NYAP2: variants seen among roughly 807,000 people sequenced by gnomAD.
NYAP2 encodes neuronal tyrosine-phosphorylated phosphoinositide-3-kinase adapter 2.
NYAP2 carries 23 observed loss-of-function variants against 50.4 expected under a neutral mutation model. The observed-to-expected ratio is 0.46, with a 90% CI of 0.33 to 0.65. The LOEUF (loss-of-function observed/expected upper bound fraction) is 0.65, where lower values mean the gene tolerates loss of function less well. Ranked by LOEUF, NYAP2 falls within the 30% of genes least tolerant of loss-of-function variation. NYAP2 has a pLI of 0.02. For synonymous variants in NYAP2, 394 were observed against 365.2 expected, an observed-to-expected ratio of 1.08 and a Z score of -0.90; for missense variants, 885 against 861.0, an observed-to-expected ratio of 1.03 and a Z score of -0.35.
chr2:225,647,041 A>G (rs1273802302), intron 6 of NYAP2, among the ~76,000 whole-genome samples: 1 of 152,206 alleles, frequency 6.6e-6, no homozygotes, highest in African/African-American at 2.4e-5. Flanking sequence ...TAGGTGATAT[A>G]AAAGCCTTTG....
chr2:225,494,380 G>A (rs1464316372), intron 3 of NYAP2, among the ~76,000 whole-genome samples: 1 of 152,126 alleles, frequency 6.6e-6, no homozygotes, highest in Non-Finnish European at 1.5e-5. Flanking sequence ...ACTTAATAAG[G>A]CAAGAATGAA....
intron 3 of NYAP2, among the ~76,000 whole-genome samples, chr2:225,482,371 C>T (rs552471889): frequency 6.6e-6 from 1 of 152,234 alleles, no homozygotes; most frequent in African/African-American, 2.4e-5. Context: ...GAGTAGTGTA[C>T]AGTGTGGCTG....
intron 3 of NYAP2, among the ~76,000 whole-genome samples, chr2:225,411,536 G>A (rs1695038919): frequency 6.6e-6 from 1 of 151,856 alleles, no homozygotes; most frequent in South Asian, 2.1e-4. Flanking sequence ...CCAAGCCGAA[G>A]GTACAAATGT....
intron 3 of NYAP2, among the ~76,000 whole-genome samples, chr2:225,472,869 T>C (rs1429656079): frequency 6.6e-6 from 1 of 152,198 alleles, no homozygotes; most frequent in Non-Finnish European, 1.5e-5. Context: ...GCAGGTTTGT[T>C]ACATATGTAT....
At chr2:225,542,825 G>A (rs1260346283) in intron 4 of NYAP2, among the ~76,000 whole-genome samples, 1 of 152,036 alleles carries the variant, frequency 6.6e-6, no homozygotes, top group Non-Finnish European at 1.5e-5. Flanking sequence ...TTTCAGAATA[G>A]TTTGAGTGGA....
At chr2:225,495,420 G>A (rs529958414) in intron 3 of NYAP2, among the ~76,000 whole-genome samples, 5 of 152,134 alleles carry the variant, frequency 3.3e-5, no homozygotes, top group Non-Finnish European at 5.9e-5. Flanking sequence ...TCTATCAGAA[G>A]AATTCATTAT....
At chr2:225,679,493 GT>G in the NYAP2 span, among the ~76,000 whole-genome samples, 855 of 103,838 alleles carry the variant, frequency 8.2e-3, 5 homozygotes, top group African/African-American at 0.03. Context: ...GCTTCTAATT[GT>G]TTTTTTTTTT....
intron 4 of NYAP2, among the ~76,000 whole-genome samples, chr2:225,547,217 C>T (rs1691600289): frequency 6.6e-6 from 1 of 152,172 alleles, no homozygotes; most frequent in Non-Finnish European, 1.5e-5. Context: ...CTACCCTGGG[C>T]CCACTGGGTA....
rs550481105 is a variant in NYAP2, at chr2:225,554,793, A to C, written c.524-27148A>C. Among the ~76,000 whole-genome samples, 209 of 152,288 alleles carry C rather than the reference A, an allele frequency of 1.4e-3. 1 individual carries two copies. Among genetic ancestry groups the C allele is most frequent in the African/African-American group, 4.6e-3 (191 of 41,572 alleles). ...TATTCAGGAATTTTGCTAAATAAGT[A>C]GCTTATAGCTTCTCTTGCCACAAGG... On this transcript the variant is annotated intron_variant, in intron 4 of 6. Coordinates refer to ENST00000636099, the Ensembl canonical transcript of NYAP2.
chr2:225,433,771 C>T (rs897190220), intron 3 of NYAP2, among the ~76,000 whole-genome samples: 3 of 142,780 alleles, frequency 2.1e-5, no homozygotes, highest in Non-Finnish European at 3.0e-5. Flanking sequence ...GAGCCGAGAT[C>T]GCGCCACTGC....
chr2:225,622,802 C>A (rs1477966319), intron 5 of NYAP2, among the ~76,000 whole-genome samples: 1 of 151,508 alleles, frequency 6.6e-6, no homozygotes, highest in Non-Finnish European at 1.5e-5. Context: ...CCAGGCTGCT[C>A]TTGATCTTCT....
chr2:225,467,048 C>T (rs537990244), intron 3 of NYAP2, among the ~76,000 whole-genome samples: 109 of 152,136 alleles, frequency 7.2e-4, no homozygotes, highest in Non-Finnish European at 1.4e-3. Flanking sequence ...GGCATACTTC[C>T]GGATCTTGTG....
intron 4 of NYAP2, among the ~76,000 whole-genome samples, chr2:225,529,451 G>A (rs1007896081): frequency 6.6e-6 from 1 of 151,726 alleles, no homozygotes; most frequent in South Asian, 2.1e-4. Flanking sequence ...TCAGCCCCCC[G>A]AGTAGCTGGC....
At chr2:225,459,909 T>A (rs1689798548) in intron 3 of NYAP2, among the ~76,000 whole-genome samples, 1 of 152,148 alleles carries the variant, frequency 6.6e-6, no homozygotes, top group South Asian at 2.1e-4. Context: ...TCCTGACCTG[T>A]GATCTGCCCA....
At chr2:225,596,816 T>A (rs1399876781) in intron 5 of NYAP2, among the ~76,000 whole-genome samples, 1 of 152,118 alleles carries the variant, frequency 6.6e-6, no homozygotes, top group East Asian at 1.9e-4. Flanking sequence ...CATTACTGAT[T>A]GGGGAAAGCA....
chr2:225,470,352 T>A (rs1338002226), intron 3 of NYAP2, among the ~76,000 whole-genome samples: 2 of 152,130 alleles, frequency 1.3e-5, no homozygotes, highest in Admixed American at 1.3e-4. Flanking sequence ...CCCCAGTTAG[T>A]AGAAATAAAA....
intron 4 of NYAP2, among the ~76,000 whole-genome samples, chr2:225,553,465 T>A (rs1004406247): frequency 1.3e-5 from 2 of 152,216 alleles, no homozygotes; most frequent in Admixed American, 1.3e-4. Flanking sequence ...AGCACAGTTT[T>A]TTAATAACCA....
At chr2:225,401,245 C>T (rs1301063434) in intron 2 of NYAP2, among the ~76,000 whole-genome samples, 1 of 151,994 alleles carries the variant, frequency 6.6e-6, no homozygotes, top group Non-Finnish European at 1.5e-5. Context: ...ATTTTTACTC[C>T]CTTACCCACT....
intron 4 of NYAP2, among the ~76,000 whole-genome samples, chr2:225,572,196 C>G (rs566204433): frequency 3.9e-5 from 6 of 152,346 alleles, no homozygotes; most frequent in Admixed American, 3.9e-4. Flanking sequence ...TCCAAGCCCT[C>G]CAAACTGTTC....
Sources: allele counts gnomAD v4.1 joint callset (sites outside exome capture counted in the v4.1 genomes callset), GRCh38; gene constraint gnomAD v4.1.1; transcripts MANE v1.5; gene names NCBI Gene and HGNC (gene_info 2026-07-23, HGNC 2026-07-21).